RIMS2: variants seen among roughly 807,000 people sequenced by gnomAD.
RIMS2 encodes the protein regulating synaptic membrane exocytosis 2, also known as regulating synaptic membrane exocytosis protein 2.
RIMS2 carries 59 observed loss-of-function variants against 174.4 expected under a neutral mutation model. The observed-to-expected ratio is 0.34, with a 90% CI of 0.27 to 0.42. RIMS2 has a LOEUF of 0.42. Among genes scored for constraint, RIMS2 ranks in the 10% least tolerant of loss-of-function variants. The pLI, the probability that RIMS2 is intolerant of heterozygous loss-of-function variation, is 1.00. For synonymous variants in RIMS2, 606 were observed against 572.5 expected, an observed-to-expected ratio of 1.06 and a Z score of -0.84; for missense variants, 1,620 against 1,666.3, an observed-to-expected ratio of 0.97 and a Z score of 0.48.
intron 14 of RIMS2, among the ~76,000 whole-genome samples, chr8:103,945,513 C>T (rs909624463): frequency 6.6e-6 from 1 of 152,010 alleles, no homozygotes; most frequent in East Asian, 1.9e-4. Context: ...CAATATTCCT[C>T]ATGAACATAC....
intron 12 of RIMS2, 120 bp downstream of exon 14, chr8:103,931,513 C>A (rs2079932370): frequency 4.9e-6 from 3 of 615,260 alleles, no homozygotes; most frequent in African/African-American, 1.9e-5. Context: ...TGAAGTTTAA[C>A]ATAAACGTGA....
At chr8:104,196,292 A>G (rs2099024002) in intron 19 of RIMS2, among the ~76,000 whole-genome samples, 1 of 152,008 alleles carries the variant, frequency 6.6e-6, no homozygotes, top group Admixed American at 6.6e-5. Context: ...TTCACTTTTA[A>G]TCTTTGGTTC....
At chr8:103,940,490 CTATAT>C (rs556962513) in intron 13 of RIMS2, among the ~76,000 whole-genome samples, 1 of 152,084 alleles carries the variant, frequency 6.6e-6, no homozygotes, top group African/African-American at 2.4e-5. Context: ...CACAACCAAA[CTATAT>C]CAGTTTTTTT....
chr8:103,757,840 G>T (rs1011692478), intron 2 of RIMS2, among the ~76,000 whole-genome samples: 1 of 152,210 alleles, frequency 6.6e-6, no homozygotes, highest in Non-Finnish European at 1.5e-5. Flanking sequence ...ATATTGGATT[G>T]ATGTGGCCAC....
chr8:103,837,987 G>T (rs1274915726), intron 3 of RIMS2, among the ~76,000 whole-genome samples: 1 of 145,370 alleles, frequency 6.9e-6, no homozygotes, highest in Non-Finnish European at 1.5e-5. Flanking sequence ...CCAGGATCCA[G>T]CCAGGCTGGA....
At chr8:103,907,870 TGAATAGCTG>T (rs1444737752) in intron 4 of RIMS2, among the ~76,000 whole-genome samples, 1 of 140,538 alleles carries the variant, frequency 7.1e-6, no homozygotes, top group Non-Finnish European at 1.5e-5. Context: ...CTCAGCCTCC[TGAATAGCTG>T]GGACTACATG....
At chr8:103,980,870 G>C (rs975967435) in intron 16 of RIMS2, among the ~76,000 whole-genome samples, 8 of 152,116 alleles carry the variant, frequency 5.3e-5, no homozygotes, top group African/African-American at 1.9e-4. Context: ...AGAGCAGGAA[G>C]GACTTTATAT....
chr8:104,153,026 A>G (rs1321701579), intron 19 of RIMS2, among the ~76,000 whole-genome samples: 1 of 152,176 alleles, frequency 6.6e-6, no homozygotes, highest in African/African-American at 2.4e-5. Flanking sequence ...CTTCCTAAAG[A>G]ATAGTGAAAT....
intron 1 of RIMS2, among the ~76,000 whole-genome samples, chr8:103,637,180 C>CA (rs1252396945): frequency 6.6e-6 from 1 of 152,184 alleles, no homozygotes; most frequent in African/African-American, 2.4e-5. Flanking sequence ...GGCAAGTAAA[C>CA]ACTCTTCTTT....
At chr8:103,544,743 G>T (rs1174813855) in intron 1 of RIMS2, among the ~76,000 whole-genome samples, 1 of 152,174 alleles carries the variant, frequency 6.6e-6, no homozygotes, top group Admixed American at 6.5e-5. Context: ...GAACACCCAA[G>T]AAAAGAAATA....
At chr8:104,103,179 A>G (rs2097941853) in intron 19 of RIMS2, among the ~76,000 whole-genome samples, 1 of 144,286 alleles carries the variant, frequency 6.9e-6, no homozygotes, top group East Asian at 2.0e-4. Flanking sequence ...TGTCCAGAAT[A>G]GGAAAATCCT....
At chr8:104,208,497 G>A (rs904134127) in intron 19 of RIMS2, among the ~76,000 whole-genome samples, 7 of 152,004 alleles carry the variant, frequency 4.6e-5, no homozygotes, top group Admixed American at 2.6e-4. Flanking sequence ...CAACCCGGGA[G>A]GCGGAAGTGG....
chr8:104,247,281 G>T (rs1207498111), intron 20 of RIMS2, among the ~76,000 whole-genome samples: 1 of 152,184 alleles, frequency 6.6e-6, no homozygotes, highest in South Asian at 2.1e-4. Flanking sequence ...AGATCAGTAG[G>T]CTAGAAGTCC....
chr8:103,837,940 C>CTTT (rs34876587), intron 3 of RIMS2, among the ~76,000 whole-genome samples: 1 of 135,736 alleles, frequency 7.4e-6, no homozygotes, highest in Non-Finnish European at 1.6e-5. Flanking sequence ...CTTTCTTTCT[C>CTTT]TTTTTTTTTT....
At chr8:104,021,609 A>G (rs955325439) in intron 19 of RIMS2, among the ~76,000 whole-genome samples, 4 of 152,238 alleles carry the variant, frequency 2.6e-5, no homozygotes, top group African/African-American at 7.2e-5. Context: ...TAAATATTTT[A>G]ACTAACTGAG....
At chr8:103,749,042 G>A (rs889337155) in intron 2 of RIMS2, among the ~76,000 whole-genome samples, 1 of 151,646 alleles carries the variant, frequency 6.6e-6, no homozygotes, top group East Asian at 1.9e-4. Context: ...CAGGTGATCC[G>A]CCCACCTCGG....
At chr8:103,552,633 A>C (rs997425750) in intron 1 of RIMS2, among the ~76,000 whole-genome samples, 1 of 152,184 alleles carries the variant, frequency 6.6e-6, no homozygotes, top group African/African-American at 2.4e-5. Flanking sequence ...TCTGCACAGC[A>C]AAAGACACTA....
intron 15 of RIMS2, among the ~76,000 whole-genome samples, chr8:103,972,501 A>G (rs931064475): frequency 6.6e-6 from 1 of 152,244 alleles, no homozygotes; most frequent in African/African-American, 2.4e-5. Context: ...CGAATGGGTT[A>G]AAATCACTCA....
At chr8:104,133,892 G>T (rs969182004) in intron 19 of RIMS2, among the ~76,000 whole-genome samples, 2 of 152,060 alleles carry the variant, frequency 1.3e-5, no homozygotes, top group Non-Finnish European at 2.9e-5. Context: ...ATGTTTGAGA[G>T]AAAAGATTAA....
Sources: allele counts gnomAD v4.1 joint callset (sites outside exome capture counted in the v4.1 genomes callset), GRCh38; gene constraint gnomAD v4.1.1; transcripts MANE v1.5; gene names NCBI Gene and HGNC (gene_info 2026-07-23, HGNC 2026-07-21).